Variants in GPM6A observed in about 807,000 individuals in gnomAD.
GPM6A encodes the protein neuronal membrane glycoprotein M6-a.
GPM6A carries 7 observed loss-of-function variants against 32.1 expected under a neutral mutation model. The ratio of observed to expected loss-of-function variants is 0.22; its 90% confidence interval spans 0.12 to 0.41. GPM6A has a LOEUF of 0.41. Among genes scored for constraint, GPM6A ranks in the 10% least tolerant of loss-of-function variants. GPM6A has a pLI of 1.00. For synonymous variants in GPM6A, 130 were observed against 123.4 expected, an observed-to-expected ratio of 1.05 and a Z score of -0.35; for missense variants, 235 against 347.2, an observed-to-expected ratio of 0.68 and a Z score of 2.57.
chr4:175,668,012 T>G (rs1254033780), intron 3 of GPM6A, among the ~76,000 whole-genome samples: 1 of 152,220 alleles, frequency 6.6e-6, no homozygotes, highest in Non-Finnish European at 1.5e-5. Flanking sequence ...TTCTGGCTGT[T>G]GTAAGTCTCT....
intron 1 of GPM6A, among the ~76,000 whole-genome samples, chr4:175,825,489 G>A (rs1489044309): frequency 3.9e-5 from 6 of 152,100 alleles, no homozygotes; most frequent in Non-Finnish European, 8.8e-5. Context: ...TTCAGAAGAG[G>A]AATGTAAGAG....
chr4:175,731,995 G>A lies in GPM6A; in HGVS notation c.38-30228C>T, dbSNP rs539897972. 1.0e-4 allele frequency among the ~76,000 whole-genome samples: 14 copies of A among 136,368 alleles called. No individual in the cohort carries two copies. In the East Asian group the frequency reaches 2.8e-3, roughly 27 times the overall value. 89.5% of individuals were successfully genotyped at this position (136,368 alleles called of 152,430 possible). The stretch of plus-strand genomic sequence containing the variant: ...TTTTTTTTTTTTTTCGTGACAGAGT[G>A]TTGCTCTGTCGCCCAGGCTGGAGTG... On this transcript the variant is annotated intron_variant, in intron 1 of 6. Coordinates refer to ENST00000393658, the MANE Select transcript of GPM6A (RefSeq NM_201591.3).
intron 1 of GPM6A, among the ~76,000 whole-genome samples, chr4:175,847,187 T>C (rs1051951592): frequency 6.6e-6 from 1 of 152,130 alleles, no homozygotes; most frequent in Non-Finnish European, 1.5e-5. Flanking sequence ...CACTGGATGG[T>C]CCTCCTTTCT....
At chr4:175,835,974 G>A (rs1735757136) in intron 1 of GPM6A, among the ~76,000 whole-genome samples, 1 of 151,940 alleles carries the variant, frequency 6.6e-6, no homozygotes, top group African/African-American at 2.4e-5. Flanking sequence ...GATGCCCATG[G>A]TTCCACTGAC....
At chr4:175,882,408 A>G (rs1158483394) in intron 1 of GPM6A, among the ~76,000 whole-genome samples, 2 of 151,978 alleles carry the variant, frequency 1.3e-5, no homozygotes, top group Non-Finnish European at 2.9e-5. Context: ...ATAATAATAT[A>G]TTAAATTATA....
chr4:175,754,727 A>G (rs1560914968), intron 1 of GPM6A, among the ~76,000 whole-genome samples: 2 of 152,174 alleles, frequency 1.3e-5, no homozygotes, highest in East Asian at 1.9e-4. Flanking sequence ...AATAGAATGC[A>G]TAATCCAGGG....
At chr4:175,888,225 A>G (rs1191538334) in intron 1 of GPM6A, among the ~76,000 whole-genome samples, 1 of 152,038 alleles carries the variant, frequency 6.6e-6, no homozygotes, top group African/African-American at 2.4e-5. Flanking sequence ...TGAACAAGGT[A>G]TTTGTGCAAT....
chr4:175,754,486 T>C (rs1732455111), intron 1 of GPM6A, among the ~76,000 whole-genome samples: 1 of 152,208 alleles, frequency 6.6e-6, no homozygotes, highest in Non-Finnish European at 1.5e-5. Context: ...GTTAAATTTG[T>C]ATTTCTATTT....
At chr4:175,786,294 T>C in intron 1 of GPM6A, among the ~76,000 whole-genome samples, 1 of 137,484 alleles carries the variant, frequency 7.3e-6, no homozygotes, top group African/African-American at 2.7e-5. Flanking sequence ...GTTTTTTGTT[T>C]TGTTTTTTTT....
At chr4:175,716,652 C>T (rs1441907800) in intron 1 of GPM6A, among the ~76,000 whole-genome samples, 1 of 152,000 alleles carries the variant, frequency 6.6e-6, no homozygotes, top group Non-Finnish European at 1.5e-5. Context: ...ACACACAAAA[C>T]AACAACAGAG....
At chr4:175,957,782 A>G (rs1561011458) in intron 1 of GPM6A, among the ~76,000 whole-genome samples, 1 of 152,206 alleles carries the variant, frequency 6.6e-6, no homozygotes. Context: ...AGTTATAAAA[A>G]CATCATAATT....
chr4:175,904,439 TAC>T (rs781647042), intron 1 of GPM6A, among the ~76,000 whole-genome samples: 38 of 152,208 alleles, frequency 2.5e-4, no homozygotes, highest in South Asian at 2.1e-3. Flanking sequence ...TGTATACATA[TAC>T]ACACACATAT....
intron 1 of GPM6A, among the ~76,000 whole-genome samples, chr4:175,772,917 TA>T (rs1733248771): frequency 1.3e-5 from 2 of 152,210 alleles, no homozygotes; most frequent in Admixed American, 6.5e-5. Context: ...CCAAAGCATT[TA>T]AAATTTCCTC....
intron 1 of GPM6A, among the ~76,000 whole-genome samples, chr4:175,820,816 T>A (rs1352649764): frequency 1.3e-5 from 2 of 152,218 alleles, no homozygotes; most frequent in Non-Finnish European, 2.9e-5. Context: ...TAGGTTTTGA[T>A]TAGATATCAA....
upstream of GPM6A, among the ~76,000 whole-genome samples, chr4:175,816,197 A>G (rs1026287914): frequency 2.6e-5 from 4 of 152,224 alleles, no homozygotes; most frequent in South Asian, 6.2e-4. Context: ...CCTCTAAAAA[A>G]TAAAATAAAA....
At chr4:175,837,606 G>C (rs551869217) in intron 1 of GPM6A, among the ~76,000 whole-genome samples, 1 of 152,254 alleles carries the variant, frequency 6.6e-6, no homozygotes, top group African/African-American at 2.4e-5. Flanking sequence ...CGCCTGTGAG[G>C]TAGGTGAGAA....
chr4:175,764,971 T>C (rs1205316007), intron 1 of GPM6A, among the ~76,000 whole-genome samples: 1 of 151,820 alleles, frequency 6.6e-6, no homozygotes, highest in Non-Finnish European at 1.5e-5. Flanking sequence ...CCTCCCGGGT[T>C]CAAGTGATTC....
chr4:175,733,376 G>A (rs1021832382), intron 1 of GPM6A, among the ~76,000 whole-genome samples: 10 of 152,030 alleles, frequency 6.6e-5, no homozygotes, highest in East Asian at 1.9e-4. Flanking sequence ...TGGTGGCACC[G>A]CCTATAGTCC....
chr4:175,742,103 GA>G (rs911719600), intron 1 of GPM6A, among the ~76,000 whole-genome samples: 4 of 151,852 alleles, frequency 2.6e-5, no homozygotes, highest in African/African-American at 7.3e-5. Flanking sequence ...AAATATTTGG[GA>G]AAAAAATATT....
Sources: gnomAD v4.1 joint callset for allele counts (sites outside exome capture counted in the v4.1 genomes callset) on GRCh38, gnomAD v4.1.1 for gene constraint, MANE v1.5 for transcripts, NCBI Gene and HGNC (gene_info 2026-07-23, HGNC 2026-07-21) for gene names.